DIP2B: variants seen among roughly 807,000 people sequenced by gnomAD.
The protein encoded by DIP2B is disco-interacting protein 2 homolog B.
DIP2B carries 76 observed loss-of-function variants against 198.0 expected under a neutral mutation model. The observed-to-expected ratio is 0.38, with a 90% CI of 0.32 to 0.46. The LOEUF (loss-of-function observed/expected upper bound fraction) is 0.46, where lower values mean the gene tolerates loss of function less well. Ranked by LOEUF, DIP2B falls within the 20% of genes least tolerant of loss-of-function variation. DIP2B has a pLI of 0.99. For synonymous variants in DIP2B, 701 were observed against 739.1 expected (o/e 0.95, Z 0.84); for missense variants, 1,559 against 1,978.4 (o/e 0.79, Z 4.02).
intron 1 of DIP2B, among the ~76,000 whole-genome samples, chr12:50,558,486 G>A (rs531870221): frequency 6.6e-6 from 1 of 152,160 alleles, no homozygotes; most frequent in Non-Finnish European, 1.5e-5. Context: ...GGTACTGAGA[G>A]GTGACTTGGT....
At chr12:50,729,736 CTT>C (rs35318106) in intron 30 of DIP2B, among the ~76,000 whole-genome samples, 9 of 141,276 alleles carry the variant, frequency 6.4e-5, no homozygotes, top group Admixed American at 7.1e-5. Context: ...TTTTCTTTTT[CTT>C]TTTTTTTTTT....
chr12:50,662,771 T>C (rs529117940), intron 4 of DIP2B, among the ~76,000 whole-genome samples: 48 of 152,230 alleles, frequency 3.2e-4, no homozygotes, highest in Non-Finnish European at 6.2e-4. Context: ...CATTAATCAT[T>C]GCCATTAAAG....
chr12:50,533,020 A>G lies in DIP2B; in HGVS notation c.100+27780A>G, dbSNP rs144555308. 1.7e-3 allele frequency among the ~76,000 whole-genome samples: 254 copies of G among 152,340 alleles called. 2 individuals are homozygous for G. The highest frequency in any genetic ancestry group is 6.0e-3 in the African/African-American group (250 of 41,560). Reference sequence around the variant, plus strand: ...CAACTTTTACAAGCTGTTATCTAAAATGGTTTGTGTGCTTAACAGCAAAGG... The same window carrying G: ...CAACTTTTACAAGCTGTTATCTAAAGTGGTTTGTGTGCTTAACAGCAAAGG... On this transcript the variant is annotated intron_variant, in intron 1 of 37. Transcript: ENST00000301180.
chr12:50,532,494 A>G (rs1470117280), intron 1 of DIP2B, among the ~76,000 whole-genome samples: 1 of 152,148 alleles, frequency 6.6e-6, no homozygotes, highest in African/African-American at 2.4e-5. Context: ...AGCCTGGGCG[A>G]CAGAGCCAGA....
At chr12:50,516,855 A>G (rs1019337285) in intron 1 of DIP2B, among the ~76,000 whole-genome samples, 1 of 151,694 alleles carries the variant, frequency 6.6e-6, no homozygotes, top group East Asian at 2.0e-4. Flanking sequence ...GGTGCCTGTA[A>G]TCCCAGCTAC....
intron 1 of DIP2B, among the ~76,000 whole-genome samples, chr12:50,562,003 A>T (rs1958523061): frequency 6.6e-6 from 1 of 152,242 alleles, no homozygotes; most frequent in African/African-American, 2.4e-5. Context: ...CATGTTTGTT[A>T]TCTCTGTATT....
intron 1 of DIP2B, among the ~76,000 whole-genome samples, chr12:50,532,191 A>G (rs1338264525): frequency 6.6e-6 from 1 of 152,160 alleles, no homozygotes; most frequent in African/African-American, 2.4e-5. Flanking sequence ...GTTCTTGCCT[A>G]GTGGCCTTAT....
intron 1 of DIP2B, among the ~76,000 whole-genome samples, chr12:50,574,386 G>A (rs1292312014): frequency 6.6e-6 from 1 of 152,208 alleles, no homozygotes; most frequent in South Asian, 2.1e-4. Flanking sequence ...TAAAGGTGAT[G>A]GTAAAGGAAG....
intron 1 of DIP2B, among the ~76,000 whole-genome samples, chr12:50,566,607 T>G (rs545619403): frequency 1.3e-5 from 2 of 152,128 alleles, no homozygotes; most frequent in Non-Finnish European, 2.9e-5. Context: ...GAATGTTAGG[T>G]CTTTTGATAG....
intron 1 of DIP2B, among the ~76,000 whole-genome samples, chr12:50,623,549 T>A (rs1444068342): frequency 5.0e-5 from 7 of 141,326 alleles, no homozygotes; most frequent in African/African-American, 7.7e-5. Flanking sequence ...ACACACACAC[T>A]CTCACTCACC....
chr12:50,674,281 G>C (rs1245851870), intron 5 of DIP2B, among the ~76,000 whole-genome samples, 193 bp from the exon 6 acceptor site: 3 of 152,176 alleles, frequency 2.0e-5, no homozygotes, highest in Non-Finnish European at 2.9e-5. Flanking sequence ...TTGGAAAGCT[G>C]ATATACCCTG....
intron 23 of DIP2B, among the ~76,000 whole-genome samples, chr12:50,716,958 C>CTTTTTTTGTTTTTTTTTTTTTTTTTT: frequency 3.4e-5 from 2 of 58,924 alleles, no homozygotes; most frequent in Non-Finnish European, 3.0e-5. Context: ...CGAATTGTTG[C>CTTTTTTTGTTTTTTTTTTTTTTTTTT]TTTTTTTTTT....
chr12:50,735,432 G>GT (rs989645019), intron 34 of DIP2B, among the ~76,000 whole-genome samples: 18 of 149,794 alleles, frequency 1.2e-4, no homozygotes, highest in South Asian at 2.1e-4. Flanking sequence ...CTGGTTCTAT[G>GT]TTTTTTTTTC....
intron 1 of DIP2B, among the ~76,000 whole-genome samples, chr12:50,559,745 A>ACACACACACACACAC (rs1555184070): frequency 7.3e-5 from 11 of 150,976 alleles, no homozygotes; most frequent in East Asian, 3.9e-4. Context: ...ACACACACAC[A>ACACACACACACACAC]ATTTCTAGTA....
At position 50,596,294 on chromosome 12, in the gene DIP2B, T is replaced by A. The variant is rs185250516; in HGVS notation, c.101-29682T>A. On this transcript the variant is annotated intron_variant, in intron 1 of 37. Transcript: ENST00000301180. The stretch of plus-strand genomic sequence containing the variant: ...ATTGGGAGAGGGTCTTATGACTCAG[T>A]TTTGACTGTATGAGTTTGGTTGTCT... 3.6e-3 allele frequency among the ~76,000 whole-genome samples: 543 copies of A among 152,178 alleles called. 10 individuals carry two copies. The South Asian group carries it at 0.038, about 11-fold the overall frequency.
chr12:50,524,519 A>G (rs530911764), intron 1 of DIP2B, among the ~76,000 whole-genome samples: 3 of 148,156 alleles, frequency 2.0e-5, no homozygotes, highest in East Asian at 4.0e-4. Context: ...CTCCTTCCCT[A>G]TTCTTCCCTC....
At chr12:50,662,956 A>G (rs1212447251) in intron 4 of DIP2B, among the ~76,000 whole-genome samples, 1 of 152,034 alleles carries the variant, frequency 6.6e-6, no homozygotes, top group Non-Finnish European at 1.5e-5. Flanking sequence ...TAAAAATACA[A>G]AAATTAGCCA....
intron 1 of DIP2B, among the ~76,000 whole-genome samples, chr12:50,593,514 A>C (rs1003019113): frequency 9.9e-5 from 15 of 151,616 alleles, no homozygotes; most frequent in African/African-American, 2.7e-4. Context: ...AAAACAAAAA[A>C]AAAAAAGGAA....
intron 1 of DIP2B, among the ~76,000 whole-genome samples, chr12:50,613,677 A>G (rs937541420): frequency 6.6e-6 from 1 of 152,032 alleles, no homozygotes; most frequent in African/African-American, 2.4e-5. Context: ...GGGACTGAGT[A>G]TTAACATTTC....
Sources: gnomAD v4.1 joint callset for allele counts (sites outside exome capture counted in the v4.1 genomes callset) on GRCh38, gnomAD v4.1.1 for gene constraint, MANE v1.5 for transcripts, NCBI Gene and HGNC (gene_info 2026-07-23, HGNC 2026-07-21) for gene names.